The following RIMKLB variants were observed in gnomAD, a reference collection of about 807,000 sequenced individuals.
The protein encoded by RIMKLB is beta-citrylglutamate synthase B.
RIMKLB carries 7 observed loss-of-function variants against 32.0 expected under a neutral mutation model. The observed-to-expected ratio is 0.22, with a 90% CI of 0.12 to 0.41. The LOEUF is 0.41. RIMKLB is among the 10% of genes least tolerant of loss of function. The probability of loss-of-function intolerance (pLI) is 1.00; values close to 1 mark genes in which losing one functional copy is unlikely to be tolerated. For missense variants in RIMKLB, 289 were observed against 498.7 expected, an observed-to-expected ratio of 0.58 and a Z score of 4.00; for synonymous variants, 172 against 185.1, an observed-to-expected ratio of 0.93 and a Z score of 0.57.
intron 2 of RIMKLB, among the ~76,000 whole-genome samples, chr12:8,731,363 G>A (rs1349094021): frequency 6.6e-6 from 1 of 152,080 alleles, no homozygotes; most frequent in African/African-American, 2.4e-5. Context: ...CTCCCAAAGT[G>A]CTGGGATTAC....
intron 1 of RIMKLB, among the ~76,000 whole-genome samples, chr12:8,710,749 T>C (rs185159413): frequency 2.0e-5 from 3 of 152,280 alleles, no homozygotes; most frequent in Non-Finnish European, 4.4e-5. Context: ...TGCTTCCCAA[T>C]TGCTAGTGAC....
intron 2 of RIMKLB, among the ~76,000 whole-genome samples, chr12:8,724,585 T>C (rs1254175239): frequency 6.6e-6 from 1 of 152,208 alleles, no homozygotes; most frequent in Non-Finnish European, 1.5e-5. Context: ...GTGTGGTGTC[T>C]GAGTGGTTTG....
At chr12:8,687,820 GAAAAAAA>G (rs752174507) in intron 1 of RIMKLB, among the ~76,000 whole-genome samples, 6 of 72,928 alleles carry the variant, frequency 8.2e-5, no homozygotes, top group Non-Finnish European at 1.5e-4. Flanking sequence ...AAGTCAGGAA[GAAAAAAA>G]AAAAAAAAAA....
Position 8,777,053 on chromosome 12 carries a change from T to C in RIMKLB, c.*3269T>C. On this transcript the variant is annotated 3_prime_UTR_variant, in exon 6 of 6. Coordinates refer to ENST00000535829, the MANE Select transcript of RIMKLB (RefSeq NM_001297776.2). ...TGGCTGGTGAGACACGATCCCCTCC[T>C]AAGAAAATGTAGGTGCTCAGACAGG... The C allele has an allele frequency of 4.1e-6, 4 of 985,802 alleles. No homozygotes were observed. The highest frequency in any genetic ancestry group is 9.4e-5 in the South Asian group (2 of 21,280). 61.1% of individuals were successfully genotyped at this position (985,802 alleles called of 1,614,324 possible).
At chr12:8,768,230 C>G (rs142124291) in intron 5 of RIMKLB, among the ~76,000 whole-genome samples, 1 of 152,150 alleles carries the variant, frequency 6.6e-6, no homozygotes, top group Non-Finnish European at 1.5e-5. Flanking sequence ...GCCTTTAGCC[C>G]GATCAGGAGC....
At chr12:8,710,525 C>T (rs1032214822) in intron 1 of RIMKLB, among the ~76,000 whole-genome samples, 5 of 151,992 alleles carry the variant, frequency 3.3e-5, no homozygotes, top group African/African-American at 9.7e-5. Flanking sequence ...CCAGGCTGGT[C>T]TCAAACTCCT....
At chr12:8,687,226 A>G (rs954735506) in intron 1 of RIMKLB, among the ~76,000 whole-genome samples, 1 of 152,218 alleles carries the variant, frequency 6.6e-6, no homozygotes, top group African/African-American at 2.4e-5. Flanking sequence ...TGGGCAAATA[A>G]TCTAAGTAAA....
chr12:8,778,041 T>C (rs1344970067), downstream of RIMKLB, among the ~76,000 whole-genome samples: 2 of 152,226 alleles, frequency 1.3e-5, no homozygotes, highest in Non-Finnish European at 1.5e-5. Flanking sequence ...GATGACTCCA[T>C]TTCTTGCATA....
intron 5 of RIMKLB, among the ~76,000 whole-genome samples, chr12:8,764,428 G>A (rs1949783822): frequency 6.6e-6 from 1 of 152,172 alleles, no homozygotes; most frequent in African/African-American, 2.4e-5. Context: ...GGGATAATTA[G>A]AAAAGCATGT....
chr12:8,766,315 G>T (rs902567932), intron 5 of RIMKLB, among the ~76,000 whole-genome samples: 1 of 152,060 alleles, frequency 6.6e-6, no homozygotes, highest in African/African-American at 2.4e-5. Flanking sequence ...CAAAGAAAGG[G>T]GTCCGGCTGC....
At position 8,704,764 on chromosome 12, in the gene RIMKLB, G is replaced by A. The variant is rs1214187330; in HGVS notation, c.-57+6467G>A. Among the ~76,000 whole-genome samples, 3 of 152,064 alleles carry A rather than the reference G, an allele frequency of 2.0e-5. No homozygotes were observed. In the East Asian group the frequency reaches 5.8e-4, roughly 30 times the overall value. On this transcript the variant is annotated intron_variant, in intron 1 of 5. Coordinates refer to ENST00000535829, the MANE Select transcript of RIMKLB (RefSeq NM_001297776.2). ...CGGGAGACTGAGGCAGGAGAATTTT[G>A]CTTGAGGCCAGGAGTTTGAGACCAG... is the stretch of plus-strand genomic sequence containing the variant.
chr12:8,761,288 AAAAG>A (rs1467348492), intron 5 of RIMKLB, among the ~76,000 whole-genome samples: 1 of 151,938 alleles, frequency 6.6e-6, no homozygotes, highest in Non-Finnish European at 1.5e-5. Flanking sequence ...AAAAAAAAAA[AAAAG>A]AATTTGTTTT....
chr12:8,672,582 AC>A, the RIMKLB span, among the ~76,000 whole-genome samples: 35 of 151,770 alleles, frequency 2.3e-4, no homozygotes, highest in African/African-American at 8.5e-4. Flanking sequence ...AATCACTACC[AC>A]GAGAATAGCA....
At chr12:8,696,464 A>G (rs931125515), upstream of RIMKLB, among the ~76,000 whole-genome samples, 4 of 152,238 alleles carry the variant, frequency 2.6e-5, no homozygotes, top group African/African-American at 9.6e-5. Context: ...TAACATTATA[A>G]TAGCACTAAA....
At chr12:8,699,354 A>G (rs1943182338) in intron 1 of RIMKLB, among the ~76,000 whole-genome samples, 1 of 152,016 alleles carries the variant, frequency 6.6e-6, no homozygotes, top group South Asian at 2.1e-4. Flanking sequence ...TTTAAATCTC[A>G]TTTTTGTTAC....
intron 2 of RIMKLB, among the ~76,000 whole-genome samples, chr12:8,717,603 C>T (rs1944988948): frequency 6.6e-6 from 1 of 152,154 alleles, no homozygotes; most frequent in African/African-American, 2.4e-5. Flanking sequence ...TCTTCATTCT[C>T]CCTTACTTCC....
intron 2 of RIMKLB, among the ~76,000 whole-genome samples, chr12:8,715,258 C>G (rs1376066167): frequency 8.1e-6 from 1 of 124,154 alleles, no homozygotes; most frequent in African/African-American, 3.7e-5. Context: ...GAGACAGGGT[C>G]TTTGTCACCA....
chr12:8,707,382 A>G (rs1005582200), intron 1 of RIMKLB, among the ~76,000 whole-genome samples: 5 of 152,244 alleles, frequency 3.3e-5, no homozygotes, highest in Non-Finnish European at 5.9e-5. Context: ...TGTATGTTAT[A>G]AAGGATACAG....
chr12:8,669,456 T>C, the RIMKLB span, among the ~76,000 whole-genome samples: 8 of 152,138 alleles, frequency 5.3e-5, no homozygotes, highest in African/African-American at 1.9e-4. Context: ...CAATATAGTA[T>C]CAACACAGTT....
Sources: allele counts gnomAD v4.1 joint callset (sites outside exome capture counted in the v4.1 genomes callset), GRCh38; gene constraint gnomAD v4.1.1; transcripts MANE v1.5; gene names NCBI Gene and HGNC (gene_info 2026-07-23, HGNC 2026-07-21).